Variants in PTPRT observed in about 807,000 individuals in gnomAD.
The protein encoded by PTPRT is protein tyrosine phosphatase receptor type T.
PTPRT carries 56 observed loss-of-function variants against 176.8 expected under a neutral mutation model. That is an observed-to-expected ratio of 0.32 (90% CI 0.26 to 0.40). The LOEUF (loss-of-function observed/expected upper bound fraction) is 0.40, where lower values mean the gene tolerates loss of function less well. PTPRT is among the 10% of genes least tolerant of loss of function. The pLI, the probability that PTPRT is intolerant of heterozygous loss-of-function variation, is 1.00. For synonymous variants in PTPRT, 783 were observed against 739.0 expected, an observed-to-expected ratio of 1.06 and a Z score of -0.96; for missense variants, 1,540 against 1,908.2, an observed-to-expected ratio of 0.81 and a Z score of 3.60.
chr20:43,073,521 T>C (rs550748190), intron 1 of PTPRT, among the ~76,000 whole-genome samples: 1 of 151,854 alleles, frequency 6.6e-6, no homozygotes, highest in South Asian at 2.1e-4. Flanking sequence ...TGTGTATATA[T>C]ATACATAGGT....
At chr20:42,788,332 T>C (rs1003761728) in intron 3 of PTPRT, among the ~76,000 whole-genome samples, 3 of 152,046 alleles carry the variant, frequency 2.0e-5, no homozygotes, top group Admixed American at 6.5e-5. Context: ...CAGATGAGAA[T>C]AGGGAGCGAG....
intron 7 of PTPRT, among the ~76,000 whole-genome samples, chr20:42,647,335 C>T (rs551402746): frequency 6.6e-6 from 1 of 152,230 alleles, no homozygotes; most frequent in South Asian, 2.1e-4. Context: ...GTCTCCACTA[C>T]AGTGTCTGTC....
At chr20:42,475,623 G>A (rs1420508690) in intron 7 of PTPRT, among the ~76,000 whole-genome samples, 1 of 152,128 alleles carries the variant, frequency 6.6e-6, no homozygotes, top group Non-Finnish European at 1.5e-5. Flanking sequence ...GTGAGAGAAA[G>A]CCAAAATACT....
At position 42,319,705 on chromosome 20, in the gene PTPRT, G is replaced by T. The variant is rs757822342; in HGVS notation, c.1866-3709C>A. Among the ~76,000 whole-genome samples, 14 of 152,314 alleles carry T rather than the reference G, an allele frequency of 9.2e-5. No individual in the cohort carries two copies. In the East Asian group the frequency reaches 1.2e-3, roughly 13 times the overall value. ...TTCCTGACACTTTTTAGGAAAGGGTGGGGGAAAGAAACAAGAAATTGGGTA... is the reference window on the plus strand; with the variant it reads ...TTCCTGACACTTTTTAGGAAAGGGTTGGGGAAAGAAACAAGAAATTGGGTA... On this transcript the variant is annotated intron_variant, in intron 11 of 30. Coordinates refer to ENST00000373187, the MANE Select transcript of PTPRT (RefSeq NM_007050.6).
At chr20:43,136,279 G>A (rs1017451929) in intron 1 of PTPRT, among the ~76,000 whole-genome samples, 5 of 152,124 alleles carry the variant, frequency 3.3e-5, no homozygotes, top group East Asian at 3.9e-4. Context: ...ATTCATCTCC[G>A]CCTTCACTAG....
chr20:43,061,940 C>T (rs9679833), intron 1 of PTPRT, among the ~76,000 whole-genome samples: 14,250 of 152,226 alleles, frequency 0.094, 755 homozygotes, highest in Middle Eastern at 0.14. Context: ...GAACAATTGA[C>T]TGATACAACA....
chr20:43,019,727 C>G (rs1985563254), intron 1 of PTPRT, among the ~76,000 whole-genome samples: 1 of 151,864 alleles, frequency 6.6e-6, no homozygotes. Flanking sequence ...AAGATCCACC[C>G]TCAATGCAGG....
intron 7 of PTPRT, among the ~76,000 whole-genome samples, chr20:42,502,462 A>C (rs946536436): frequency 2.0e-5 from 3 of 151,644 alleles, no homozygotes; most frequent in African/African-American, 7.3e-5. Flanking sequence ...CAAATGAGAT[A>C]TTCAAATATT....
chr20:42,897,853 A>G (rs2079330951), intron 1 of PTPRT, among the ~76,000 whole-genome samples: 1 of 152,178 alleles, frequency 6.6e-6, no homozygotes, highest in Non-Finnish European at 1.5e-5. Context: ...GTAATTTAAT[A>G]TTTGTAAACA....
At chr20:42,360,246 C>T (rs1344741851) in intron 9 of PTPRT, among the ~76,000 whole-genome samples, 1 of 152,190 alleles carries the variant, frequency 6.6e-6, no homozygotes, top group Non-Finnish European at 1.5e-5. Flanking sequence ...TTCCTGTCAA[C>T]AGGTGCTCCC....
intron 6 of PTPRT, among the ~76,000 whole-genome samples, chr20:42,720,166 G>A (rs1415372033): frequency 6.6e-6 from 1 of 152,210 alleles, no homozygotes; most frequent in Non-Finnish European, 1.5e-5. Flanking sequence ...GTTCCACTGG[G>A]ATGCTGAACA....
At chr20:43,012,100 A>G (rs1985158629) in intron 1 of PTPRT, among the ~76,000 whole-genome samples, 1 of 152,122 alleles carries the variant, frequency 6.6e-6, no homozygotes, top group African/African-American at 2.4e-5. Context: ...CAGCTTGCAG[A>G]TGGCCTATTG....
chr20:42,944,618 G>A (rs1980765603), intron 1 of PTPRT, among the ~76,000 whole-genome samples: 1 of 152,088 alleles, frequency 6.6e-6, no homozygotes, highest in Non-Finnish European at 1.5e-5. Context: ...CAGAGCCTTT[G>A]CACGTGCTAT....
intron 13 of PTPRT, among the ~76,000 whole-genome samples, chr20:42,268,119 A>C (rs1182358983): frequency 6.6e-6 from 1 of 152,024 alleles, no homozygotes; most frequent in Admixed American, 6.6e-5. Flanking sequence ...TAATATCCCC[A>C]TCACTCAGAC....
chr20:43,153,669 C>T (rs2014431871), intron 1 of PTPRT, among the ~76,000 whole-genome samples: 1 of 152,182 alleles, frequency 6.6e-6, no homozygotes, highest in South Asian at 2.1e-4. Context: ...GACAACATGG[C>T]CTCAAGAAAG....
intron 8 of PTPRT, among the ~76,000 whole-genome samples, chr20:42,465,381 A>T (rs1328429914): frequency 6.6e-6 from 1 of 152,216 alleles, no homozygotes; most frequent in Non-Finnish European, 1.5e-5. Flanking sequence ...AGTATTATTT[A>T]TGATAGTAAA....
chr20:42,270,571 C>T (rs2056917800), intron 13 of PTPRT: 1 of 763,172 alleles, frequency 1.3e-6, no homozygotes, highest in African/African-American at 1.8e-5. Context: ...CTGAAGAGCT[C>T]ACACTAAATA....
At chr20:42,749,774 C>T (rs1412785626) in intron 6 of PTPRT, among the ~76,000 whole-genome samples, 1 of 152,170 alleles carries the variant, frequency 6.6e-6, no homozygotes, top group Non-Finnish European at 1.5e-5. Context: ...CTTTATTAAG[C>T]AAATGAATAC....
chr20:42,850,138 T>A (rs1230242451), intron 2 of PTPRT, among the ~76,000 whole-genome samples: 1 of 152,208 alleles, frequency 6.6e-6, no homozygotes, highest in Non-Finnish European at 1.5e-5. Context: ...TCAAAGCAAG[T>A]TCCCCCCTTC....
Sources: allele counts gnomAD v4.1 joint callset (sites outside exome capture counted in the v4.1 genomes callset), GRCh38; gene constraint gnomAD v4.1.1; transcripts MANE v1.5; gene names NCBI Gene and HGNC (gene_info 2026-07-23, HGNC 2026-07-21).